The following ACTR3C variants were observed in gnomAD, a reference collection of about 807,000 sequenced individuals.
ACTR3C encodes the protein actin-related protein 3C.
In ACTR3C, 18 loss-of-function variants were observed where a neutral mutation model predicts 26.3. The observed-to-expected ratio is 0.68, with a 90% CI of 0.47 to 1.01. The LOEUF is 1.01. Among genes scored for constraint, ACTR3C ranks in the 50% least tolerant of loss-of-function variants. The pLI is 0.00. For missense variants in ACTR3C, 184 were observed against 250.7 expected (o/e 0.73, Z 1.80); for synonymous variants, 55 against 94.5 (o/e 0.58, Z 2.42).
At chr7:149,913,885 C>CTTTT in the ACTR3C span, among the ~76,000 whole-genome samples, 12 of 74,636 alleles carry the variant, frequency 1.6e-4, 6 homozygotes, top group African/African-American at 3.4e-4. Flanking sequence ...CTCATATGTC[C>CTTTT]CTTTTTTTTT....
At chr7:150,058,883 C>A in the ACTR3C span, among the ~76,000 whole-genome samples, 2 of 152,254 alleles carry the variant, frequency 1.3e-5, no homozygotes, top group Middle Eastern at 3.4e-3. Flanking sequence ...CCACTCACTG[C>A]ACTCCAGCCT....
At chr7:150,108,602 G>A in the ACTR3C span, among the ~76,000 whole-genome samples, 45 of 148,478 alleles carry the variant, frequency 3.0e-4, no homozygotes, top group Non-Finnish European at 5.5e-4. Context: ...AAATCATGAG[G>A]CTCCACCCTT....
At chr7:150,038,812 C>G in the ACTR3C span, among the ~76,000 whole-genome samples, 41 of 142,118 alleles carry the variant, frequency 2.9e-4, 1 homozygote, top group African/African-American at 6.5e-4. Context: ...GGGTGCCTCC[C>G]CCCTCTGCGA....
At chr7:150,232,952 T>C in the ACTR3C span, among the ~76,000 whole-genome samples, 32 of 152,316 alleles carry the variant, frequency 2.1e-4, no homozygotes, top group East Asian at 4.2e-3. Context: ...ACTAATCATA[T>C]GATACCATCA....
At chr7:150,016,661 T>G in the ACTR3C span, among the ~76,000 whole-genome samples, 2 of 152,010 alleles carry the variant, frequency 1.3e-5, no homozygotes, top group Non-Finnish European at 2.9e-5. Flanking sequence ...CCATGAAAGG[T>G]GAACTTACAG....
At chr7:150,223,978 C>A in the ACTR3C span, among the ~76,000 whole-genome samples, 6 of 152,184 alleles carry the variant, frequency 3.9e-5, no homozygotes, top group Admixed American at 2.6e-4. Flanking sequence ...GGCTGCAGTT[C>A]TTTGTTGCCA....
chr7:149,910,524 C>T, the ACTR3C span, among the ~76,000 whole-genome samples: 4 of 152,090 alleles, frequency 2.6e-5, no homozygotes, highest in Admixed American at 6.5e-5. Context: ...AGTTGAAACG[C>T]GGTAAGTAAA....
chr7:150,198,759 G>A, the ACTR3C span, among the ~76,000 whole-genome samples: 4 of 147,876 alleles, frequency 2.7e-5, no homozygotes, highest in East Asian at 2.0e-4. Flanking sequence ...AGGTGGGGGG[G>A]GGTCAGCCCC....
chr7:149,894,341 AT>A, the ACTR3C span, among the ~76,000 whole-genome samples: 1 of 152,178 alleles, frequency 6.6e-6, no homozygotes, highest in African/African-American at 2.4e-5. Context: ...CTGGGCAAGG[AT>A]TTTTTTGGAC....
chr7:150,264,186 C>T (rs1218690913), intron 6 of ACTR3C, among the ~76,000 whole-genome samples: 5 of 152,220 alleles, frequency 3.3e-5, no homozygotes, highest in African/African-American at 1.2e-4. Context: ...GGCCAAACAT[C>T]CCTCATTCGC....
the ACTR3C span, among the ~76,000 whole-genome samples, chr7:150,089,960 C>A: frequency 6.6e-6 from 1 of 152,186 alleles, no homozygotes; most frequent in South Asian, 2.1e-4. Flanking sequence ...GTCAAGCTCT[C>A]TTCATTCATC....
chr7:150,014,310 G>C, the ACTR3C span, among the ~76,000 whole-genome samples: 1 of 152,068 alleles, frequency 6.6e-6, no homozygotes. Context: ...CAAAAAATTA[G>C]CTGGGCATGG....
the ACTR3C span, among the ~76,000 whole-genome samples, chr7:149,954,343 T>G: frequency 5.3e-5 from 8 of 152,160 alleles, no homozygotes; most frequent in African/African-American, 1.9e-4. Context: ...AAAGATAGGA[T>G]GCAATGAATA....
intron 6 of ACTR3C, among the ~76,000 whole-genome samples, chr7:150,258,675 C>T (rs1281003447): frequency 6.6e-6 from 1 of 151,950 alleles, no homozygotes; most frequent in Non-Finnish European, 1.5e-5. Flanking sequence ...TCTGAAATTC[C>T]CTCTCACCCC....
the ACTR3C span, among the ~76,000 whole-genome samples, chr7:149,933,391 G>A: frequency 7.2e-5 from 11 of 151,826 alleles, no homozygotes; most frequent in East Asian, 3.9e-4. Flanking sequence ...ACTACAGTGC[G>A]TATACATCTT....
chr7:150,190,665 G>A, the ACTR3C span, among the ~76,000 whole-genome samples: 1 of 152,088 alleles, frequency 6.6e-6, no homozygotes, highest in East Asian at 1.9e-4. Context: ...ATTTATGTGA[G>A]TCTATTTCTG....
At chr7:150,013,804 A>C in the ACTR3C span, among the ~76,000 whole-genome samples, 5 of 152,324 alleles carry the variant, frequency 3.3e-5, no homozygotes, top group East Asian at 7.7e-4. Context: ...AAAGGAAGAG[A>C]AGGGAAGAGG....
the ACTR3C span, among the ~76,000 whole-genome samples, chr7:150,114,025 C>T: frequency 2.0e-5 from 3 of 151,976 alleles, no homozygotes; most frequent in Non-Finnish European, 2.9e-5. Flanking sequence ...AAATCACTTG[C>T]CTGGTTTTCC....
chr7:149,939,502 G>C, the ACTR3C span, among the ~76,000 whole-genome samples: 1 of 152,174 alleles, frequency 6.6e-6, no homozygotes, highest in Non-Finnish European at 1.5e-5. Context: ...AAGCAAACAC[G>C]AAGCACAAGA....
Sources: allele counts gnomAD v4.1 joint callset (sites outside exome capture counted in the v4.1 genomes callset), GRCh38; gene constraint gnomAD v4.1.1; transcripts MANE v1.5; gene names NCBI Gene and HGNC (gene_info 2026-07-23, HGNC 2026-07-21).